Variants in GPR21 observed in about 807,000 individuals in gnomAD.
GPR21 encodes G protein-coupled receptor 21, also known as probable G protein-coupled receptor 21.
Under a neutral mutation model 21.5 loss-of-function variants are expected in GPR21, and 9 were observed. The observed-to-expected ratio is 0.42, with a 90% confidence interval of 0.25 to 0.73. GPR21 has a LOEUF of 0.73. GPR21 is among the 30% of genes least tolerant of loss of function. The pLI is 0.27. For missense variants in GPR21, 416 were observed against 428.9 expected, an observed-to-expected ratio of 0.97 and a Z score of 0.27; for synonymous variants, 169 against 159.3, an observed-to-expected ratio of 1.06 and a Z score of -0.46.
chr9:123,039,237 T>C (rs1275213450), downstream of GPR21, among the ~76,000 whole-genome samples: 3 of 152,176 alleles, frequency 2.0e-5, no homozygotes, highest in Non-Finnish European at 4.4e-5. Flanking sequence ...GCAAAATAAA[T>C]GCTCATCCTC....
chr9:123,038,264 T>G (rs1250063136), downstream of GPR21, among the ~76,000 whole-genome samples: 2 of 152,194 alleles, frequency 1.3e-5, no homozygotes, highest in African/African-American at 2.4e-5. Context: ...GAAAAGGTTT[T>G]CTTTAAGCTT....
At position 123,035,509 on chromosome 9, in the gene GPR21, C is replaced by T. The variant is rs757842546; in HGVS notation, c.943C>T (p.Leu315=). 15 of 1,613,502 alleles carry T rather than the reference C, an allele frequency of 9.3e-6. No individual in the cohort carries two copies. Among genetic ancestry groups the T allele is most frequent in the Non-Finnish European group, 1.1e-5 (13 of 1,179,552 alleles). Residue 315 remains leucine, a synonymous_variant, in exon 2 of 2, where the codon CTA becomes TTA. Transcript: ENST00000616002. ...SLSNSVFQRG[L]KRLSGAMCTS... is the part of the protein sequence containing the mutation. ...CTCCAACAGTGTATTCCAAAGAGGACTAAAGCGCCTCTCAGGGGCTATGTG... is the reference window on the plus strand; with the variant it reads ...CTCCAACAGTGTATTCCAAAGAGGATTAAAGCGCCTCTCAGGGGCTATGTG...
At chr9:123,038,194 A>G (rs2032768211), downstream of GPR21, among the ~76,000 whole-genome samples, 1 of 152,122 alleles carries the variant, frequency 6.6e-6, no homozygotes, top group Non-Finnish European at 1.5e-5. Flanking sequence ...TCCTGACACT[A>G]GATTGGATAT....
At chr9:123,033,989 A>G (rs2032458483) in intron 1 of GPR21, among the ~76,000 whole-genome samples, 182 bp from the exon 2 acceptor site, 2 of 152,168 alleles carry the variant, frequency 1.3e-5, no homozygotes, top group Admixed American at 6.5e-5. Flanking sequence ...TGAAAGCTTG[A>G]TGTTGCTGCT....
downstream of GPR21, among the ~76,000 whole-genome samples, chr9:123,039,854 C>T (rs1053097555): frequency 6.6e-6 from 1 of 152,118 alleles, no homozygotes. Flanking sequence ...TTGCTTTTGT[C>T]TCCCTTTCAG....
At chr9:123,045,887 G>T in the GPR21 span, among the ~76,000 whole-genome samples, 24 of 152,120 alleles carry the variant, frequency 1.6e-4, no homozygotes, top group Non-Finnish European at 2.8e-4. Context: ...ATGTAAAATT[G>T]TACTTGGGGG....
chr9:123,033,764 A>G (rs927522527), intron 1 of GPR21, 22 bp downstream of exon 1: 2 of 152,246 alleles, frequency 1.3e-5, no homozygotes, highest in Non-Finnish European at 2.9e-5. Context: ...AAATTGAACT[A>G]AACAGTAAAT....
chr9:123,036,567 A>G (rs2032674094), downstream of GPR21, among the ~76,000 whole-genome samples: 1 of 152,218 alleles, frequency 6.6e-6, no homozygotes. Context: ...AACATCAGGG[A>G]GAAGGGTGTC....
downstream of GPR21, among the ~76,000 whole-genome samples, chr9:123,037,382 T>G (rs918187743): frequency 2.6e-5 from 4 of 152,234 alleles, no homozygotes; most frequent in Non-Finnish European, 5.9e-5. Flanking sequence ...CCTTGCTTGC[T>G]CTTTATGTTT....
chr9:123,044,949 TGAA>T, the GPR21 span, among the ~76,000 whole-genome samples: 3 of 152,234 alleles, frequency 2.0e-5, no homozygotes, highest in East Asian at 5.8e-4. Flanking sequence ...AAGACTGTAA[TGAA>T]GTGATCTACA....
At chr9:123,047,696 T>G in the GPR21 span, among the ~76,000 whole-genome samples, 1 of 152,030 alleles carries the variant, frequency 6.6e-6, no homozygotes, top group African/African-American at 2.4e-5. Context: ...GCCTAAAAGC[T>G]TTATAAAAAT....
chr9:123,034,508 T>C lies in GPR21; in HGVS notation c.-59T>C, dbSNP rs2032500415. The C allele has an allele frequency of 1.9e-6, 2 of 1,078,190 alleles. No individual in the cohort carries two copies. The highest frequency in any genetic ancestry group is 2.1e-5 in the Admixed American group (1 of 48,000). The allele number at this position is 1,078,190 out of a possible 1,614,324, so 66.8% of individuals were successfully genotyped here. ...ACCGCAATGACAGCAGCTGCTTCTT[T>C]GAACTGTTGGCAGCAGCCAAGCGGC... is the stretch of plus-strand genomic sequence containing the variant. On this transcript the variant is annotated 5_prime_UTR_variant, in exon 2 of 2. Coordinates refer to ENST00000616002, the MANE Select transcript of GPR21 (RefSeq NM_005294.3).
chr9:123,042,815 T>G, the GPR21 span, among the ~76,000 whole-genome samples: 40 of 152,328 alleles, frequency 2.6e-4, no homozygotes, highest in African/African-American at 7.2e-4. Context: ...CGTGTTTTCA[T>G]AATGAAAAGG....
chr9:123,035,763 T>C (rs1432434637), downstream of GPR21: 9 of 557,512 alleles, frequency 1.6e-5, no homozygotes, highest in Non-Finnish European at 2.8e-5. Flanking sequence ...ATACAAATTA[T>C]TCGTATGGAT....
the GPR21 span, among the ~76,000 whole-genome samples, chr9:123,040,803 A>C: frequency 6.6e-6 from 1 of 152,206 alleles, no homozygotes; most frequent in African/African-American, 2.4e-5. Flanking sequence ...TCAGATAATT[A>C]GGGATGTGAT....
downstream of GPR21, among the ~76,000 whole-genome samples, chr9:123,037,384 T>G (rs1330770727): frequency 6.6e-6 from 1 of 152,216 alleles, no homozygotes; most frequent in African/African-American, 2.4e-5. Context: ...TTGCTTGCTC[T>G]TTATGTTTAG....
chr9:123,042,100 T>A, the GPR21 span, among the ~76,000 whole-genome samples: 3 of 152,198 alleles, frequency 2.0e-5, no homozygotes, highest in Non-Finnish European at 4.4e-5. Context: ...CAAACATGAC[T>A]GCTGTAAGAA....
At chr9:123,041,397 G>T in the GPR21 span, among the ~76,000 whole-genome samples, 9 of 152,110 alleles carry the variant, frequency 5.9e-5, no homozygotes, top group Non-Finnish European at 1.2e-4. Flanking sequence ...TATAGGTGAG[G>T]AAACATAGGC....
chr9:123,034,303 T>C lies in GPR21; in HGVS notation c.-264T>C. ...AGTTTACCTTGCTCCCCTGGTGCTA[T>C]GTGTATGGTGAACCTGGCACTATGG... is the stretch of plus-strand genomic sequence containing the variant. On this transcript the variant is annotated 5_prime_UTR_variant, in exon 2 of 2. The change abolishes an upstream ATG in the 5' untranslated region. Coordinates refer to ENST00000616002, the MANE Select transcript of GPR21 (RefSeq NM_005294.3). The C allele has an allele frequency of 2.0e-6, 1 of 501,272 alleles. No homozygotes were observed. Among genetic ancestry groups the C allele is most frequent in the Non-Finnish European group, 3.5e-6 (1 of 287,390 alleles). 31.1% of individuals were successfully genotyped at this position (501,272 alleles called of 1,614,324 possible). A position where few individuals can be genotyped will look rare whatever the true frequency, so the allele number is the denominator to read the frequency against.
Sources: gnomAD v4.1 joint callset for allele counts (sites outside exome capture counted in the v4.1 genomes callset) on GRCh38, gnomAD v4.1.1 for gene constraint, MANE v1.5 for transcripts, NCBI Gene and HGNC (gene_info 2026-07-23, HGNC 2026-07-21) for gene names.